WWP1: variants seen among roughly 807,000 people sequenced by gnomAD.
WWP1 encodes the protein NEDD4-like E3 ubiquitin-protein ligase WWP1.
A neutral mutation model predicts 130.6 loss-of-function variants in WWP1; 49 were observed. The observed-to-expected ratio is 0.38, with a 90% CI of 0.30 to 0.48. The LOEUF is 0.48. WWP1 is among the 20% of genes least tolerant of loss of function. The pLI, the probability that WWP1 is intolerant of heterozygous loss-of-function variation, is 0.99. For synonymous variants in WWP1, 332 were observed against 367.8 expected (o/e 0.90, Z 1.11); for missense variants, 809 against 1,100.6 (o/e 0.74, Z 3.75).
At chr8:86,346,719 C>G (rs775712444) in intron 1 of WWP1, among the ~76,000 whole-genome samples, 3 of 152,000 alleles carry the variant, frequency 2.0e-5, no homozygotes, top group Non-Finnish European at 2.9e-5. Context: ...GTTTTTTACT[C>G]TTTGTATAAA....
chr8:86,432,022 T>A (rs1810004706), intron 14 of WWP1, among the ~76,000 whole-genome samples: 1 of 152,184 alleles, frequency 6.6e-6, no homozygotes, highest in Non-Finnish European at 1.5e-5. Context: ...GTAGATACTA[T>A]TATTTTTCCC....
At chr8:86,407,410 TC>T (rs1808342690) in intron 8 of WWP1, among the ~76,000 whole-genome samples, 1 of 152,202 alleles carries the variant, frequency 6.6e-6, no homozygotes, top group African/African-American at 2.4e-5. Flanking sequence ...CCCAGGTAAT[TC>T]TTTGTTGTAG....
chr8:86,456,584 CCAGTT>C lies in WWP1; in HGVS notation c.2395-1335_2395-1331del, dbSNP rs1811457640. ...AAATGTACATCTACCTTATGGCCTA[CCAGTT>C]CTACTGTTAGGTGTTTATCAAAATG... is the stretch of plus-strand genomic sequence containing the variant. On this transcript the variant is annotated intron_variant, in intron 21 of 24. Transcript: ENST00000517970. 4.0e-5 allele frequency among the ~76,000 whole-genome samples: 6 copies of C among 151,884 alleles called. No individual in the cohort carries two copies. The South Asian group carries it at 1.2e-3, about 31-fold the overall frequency.
At chr8:86,439,659 A>G (rs1179301236) in intron 17 of WWP1, among the ~76,000 whole-genome samples, 1 of 152,220 alleles carries the variant, frequency 6.6e-6, no homozygotes, top group Non-Finnish European at 1.5e-5. Context: ...TTTTGGGAAT[A>G]AAGTTTTCTA....
intron 24 of WWP1, among the ~76,000 whole-genome samples, chr8:86,466,555 ATT>A (rs199840435): frequency 1.3e-5 from 2 of 150,954 alleles, no homozygotes; most frequent in Non-Finnish European, 3.0e-5. Flanking sequence ...TTTTTTTTAA[ATT>A]TGTCTTTATC....
chr8:86,414,788 G>A (rs1036783756), intron 9 of WWP1, among the ~76,000 whole-genome samples: 2 of 152,098 alleles, frequency 1.3e-5, no homozygotes, highest in East Asian at 1.9e-4. Flanking sequence ...AAAAAATTCT[G>A]TGTATCAAAA....
intron 9 of WWP1, among the ~76,000 whole-genome samples, chr8:86,413,316 C>T (rs1361147049): frequency 1.3e-5 from 2 of 152,296 alleles, no homozygotes; most frequent in East Asian, 3.9e-4. Context: ...CCTAGTCTCT[C>T]ATGTGCCAGT....
chr8:86,366,107 G>A (rs1165179202), intron 1 of WWP1, among the ~76,000 whole-genome samples: 3 of 152,206 alleles, frequency 2.0e-5, no homozygotes, highest in South Asian at 2.1e-4. Context: ...AAGGGATGCC[G>A]GAGAGTGCTG....
At chr8:86,441,992 A>G (rs1453652784) in intron 17 of WWP1, among the ~76,000 whole-genome samples, 1 of 152,168 alleles carries the variant, frequency 6.6e-6, no homozygotes, top group Admixed American at 6.5e-5. Flanking sequence ...TGCTTATCAC[A>G]TTTAAAGATT....
In WWP1 at chr8:86,448,459, A is replaced by G; in HGVS notation, c.2219A>G (p.Lys740Arg). The G allele has an allele frequency of 6.2e-7, 1 of 1,613,862 alleles. No homozygotes were observed. The highest frequency in any genetic ancestry group is 1.1e-5 in the South Asian group (1 of 91,068). The change falls in exon 20 of 25, where the codon AAG becomes AGG. Residue 740 changes from lysine to arginine, a missense_variant. Physicochemically the swap from Lys to Arg is conservative, Grantham distance 26 (BLOSUM62 2). Transcript: ENST00000517970. ...ILGKVTSHDLKLGGSNILVTE... is the reference protein window; with the variant it reads ...ILGKVTSHDLRLGGSNILVTE... ...GGAAAAGTTACTTCACATGACCTGA[A>G]GTTGGGAGGTTCCAATATTCTGGTG...
intron 9 of WWP1, among the ~76,000 whole-genome samples, chr8:86,413,382 A>C (rs1485172910): frequency 6.6e-6 from 1 of 152,148 alleles, no homozygotes; most frequent in Non-Finnish European, 1.5e-5. Flanking sequence ...CTCATCGTCT[A>C]AGTGGTGGGG....
At chr8:86,461,630 C>T in intron 23 of WWP1, 144 bp from the exon 24 acceptor site, 3 of 699,884 alleles carry the variant, frequency 4.3e-6, no homozygotes, top group Non-Finnish European at 7.4e-6. Flanking sequence ...CAATTTTCTT[C>T]TTCAGGCAGA....
intron 5 of WWP1, among the ~76,000 whole-genome samples, chr8:86,393,055 G>C (rs1250139269): frequency 1.3e-5 from 2 of 152,126 alleles, no homozygotes; most frequent in Non-Finnish European, 2.9e-5. Context: ...AATAAGGTCA[G>C]ATGTTTATTA....
At chr8:86,361,991 T>TACATATATATACACACATATATATATAC in intron 1 of WWP1, among the ~76,000 whole-genome samples, 1 of 128,190 alleles carries the variant, frequency 7.8e-6, no homozygotes, top group South Asian at 2.6e-4. Context: ...TATATATATA[T>TACATATATATACACACATATATATATAC]ACATATATAT....
At position 86,442,688 on chromosome 8, in the gene WWP1, G is replaced by A. The variant is rs200585765; in HGVS notation, c.1908G>A (p.Lys636=). The A allele has an allele frequency of 3.1e-4, 498 of 1,612,376 alleles. No individual in the cohort carries two copies. Among genetic ancestry groups the A allele is most frequent in the Non-Finnish European group, 4.1e-4 (489 of 1,179,476 alleles). Residue 636 remains lysine, a synonymous_variant, in exon 18 of 25, where the codon AAG becomes AAA. Coordinates refer to ENST00000517970, the MANE Select transcript of WWP1 (RefSeq NM_007013.4). ...PMYCLFEYAG[K]NNYCLQINPA... is the part of the protein sequence containing the mutation. ...ATTGCTTATTTGAGTATGCGGGCAA[G>A]AACAACTATTGTCTGCAGATAAATC... is the stretch of plus-strand genomic sequence containing the variant.
chr8:86,443,126 G>A (rs772448232), intron 18 of WWP1, among the ~76,000 whole-genome samples: 1 of 151,970 alleles, frequency 6.6e-6, no homozygotes, highest in Non-Finnish European at 1.5e-5. Context: ...AGGCTGGAGT[G>A]CAGTGGTGTG....
At chr8:86,422,236 G>T (rs1001724747) in intron 9 of WWP1, among the ~76,000 whole-genome samples, 1 of 151,884 alleles carries the variant, frequency 6.6e-6, no homozygotes, top group Admixed American at 6.6e-5. Context: ...TCGAGTTCTT[G>T]TGTTTAAGAA....
At chr8:86,417,535 G>A (rs1377279580) in intron 9 of WWP1, among the ~76,000 whole-genome samples, 2 of 152,178 alleles carry the variant, frequency 1.3e-5, no homozygotes, top group Non-Finnish European at 1.5e-5. Context: ...CTGAAATCTG[G>A]AAGTGATCTA....
At chr8:86,437,112 A>G (rs1489997670) in intron 16 of WWP1, among the ~76,000 whole-genome samples, 2 of 152,216 alleles carry the variant, frequency 1.3e-5, no homozygotes, top group Non-Finnish European at 2.9e-5. Flanking sequence ...TATTTGATGT[A>G]TAGCACTGAG....
Sources: allele counts gnomAD v4.1 joint callset (sites outside exome capture counted in the v4.1 genomes callset), GRCh38; gene constraint gnomAD v4.1.1; transcripts MANE v1.5; gene names NCBI Gene and HGNC (gene_info 2026-07-23, HGNC 2026-07-21).